Variants in RBPJ observed in about 807,000 individuals in gnomAD.
RBPJ encodes the protein recombination signal binding protein for immunoglobulin kappa J region.
RBPJ carries 9 observed loss-of-function variants against 67.8 expected under a neutral mutation model. The ratio of observed to expected loss-of-function variants is 0.13; its 90% CI spans 0.08 to 0.23. RBPJ has a LOEUF of 0.23. Ranked by LOEUF, RBPJ falls within the 10% of genes least tolerant of loss-of-function variation. The probability of loss-of-function intolerance (pLI) is 1.00; values close to 1 mark genes in which losing one functional copy is unlikely to be tolerated. For synonymous variants in RBPJ, 198 were observed against 203.3 expected, an observed-to-expected ratio of 0.97 and a Z score of 0.22; for missense variants, 305 against 595.6, an observed-to-expected ratio of 0.51 and a Z score of 5.08.
In RBPJ at chr4:26,244,202, T is replaced by C. The variant is rs552425351; in HGVS notation, c.-167+80588T>C. On this transcript the variant is annotated intron_variant, in intron 1 of 4. Coordinates refer to the RBPJ transcript ENST00000512351. ...ATATATGTATACATATATGTGTCTA[T>C]ATATGTATACACATATGTGTACACA... Among the ~76,000 whole-genome samples the C allele has an allele frequency of 5.7e-3, 822 of 145,098 alleles. 20 individuals are homozygous for C. The highest frequency in any genetic ancestry group is 0.013 in the South Asian group (61 of 4,574).
chr4:26,187,701 A>G (rs867581742), intron 1 of RBPJ, among the ~76,000 whole-genome samples: 1 of 152,114 alleles, frequency 6.6e-6, no homozygotes, highest in South Asian at 2.1e-4. Context: ...CATAGATGTG[A>G]ACACTGAGAA....
chr4:26,359,542 TGGCTGGGACGCCCCTGCTGCCGGCGCC>T (rs1159966857), intron 1 of RBPJ: 1 of 151,838 alleles, frequency 6.6e-6, no homozygotes, highest in Non-Finnish European at 1.5e-5. Flanking sequence ...TGCAGGCCCC[TGGCTGGGACGCCCCTGCTGCCGGCGCC>T]GGCAGCCTCG....
intron 1 of RBPJ, among the ~76,000 whole-genome samples, chr4:26,196,780 C>T (rs113349555): frequency 0.01 from 1,580 of 152,266 alleles, 26 homozygotes; most frequent in African/African-American, 0.036. Flanking sequence ...CGGAGCTCCC[C>T]CAGCCCTTCC....
At chr4:26,404,214 A>G (rs560516138) in intron 2 of RBPJ, among the ~76,000 whole-genome samples, 7 of 151,952 alleles carry the variant, frequency 4.6e-5, no homozygotes, top group Admixed American at 3.3e-4. Context: ...TCCTTTGCCT[A>G]CTTTTTAATG....
the RBPJ span, among the ~76,000 whole-genome samples, chr4:26,127,141 C>T: frequency 3.9e-5 from 6 of 152,210 alleles, no homozygotes; most frequent in Non-Finnish European, 7.3e-5. Context: ...TTCCTGAAGA[C>T]AGCTGGCAAC....
chr4:26,159,765 A>T (rs76085095), upstream of RBPJ, among the ~76,000 whole-genome samples: 1,890 of 152,248 alleles, frequency 0.012, 43 homozygotes, highest in African/African-American at 0.043. Flanking sequence ...CTTATCTTTC[A>T]TATATCAGTA....
At chr4:26,267,352 T>A (rs566231371) in intron 1 of RBPJ, among the ~76,000 whole-genome samples, 8 of 152,292 alleles carry the variant, frequency 5.3e-5, no homozygotes, top group African/African-American at 1.9e-4. Flanking sequence ...GAATTTGCCA[T>A]GGATGCTGCC....
At chr4:26,118,624 T>C in the RBPJ span, among the ~76,000 whole-genome samples, 17 of 152,314 alleles carry the variant, frequency 1.1e-4, no homozygotes, top group African/African-American at 4.1e-4. Flanking sequence ...TACAAGAGAA[T>C]GGATGGAGTA....
chr4:26,139,448 T>C, the RBPJ span, among the ~76,000 whole-genome samples: 1 of 152,170 alleles, frequency 6.6e-6, no homozygotes, highest in African/African-American at 2.4e-5. Flanking sequence ...ATTCAACACT[T>C]AGCATCCACA....
At chr4:26,316,692 A>T, upstream of RBPJ, among the ~76,000 whole-genome samples, 1 of 143,472 alleles carries the variant, frequency 7.0e-6, no homozygotes, top group Non-Finnish European at 1.5e-5. Context: ...ATATACACAT[A>T]TTGTGTATAT....
chr4:26,260,366 T>C (rs1056607916), intron 1 of RBPJ, among the ~76,000 whole-genome samples: 2 of 152,236 alleles, frequency 1.3e-5, no homozygotes, highest in African/African-American at 4.8e-5. Flanking sequence ...CTACTAACTA[T>C]TCTTTCATTG....
intron 1 of RBPJ, among the ~76,000 whole-genome samples, chr4:26,265,519 AAAG>A (rs1197128853): frequency 1.3e-5 from 2 of 152,016 alleles, no homozygotes; most frequent in Non-Finnish European, 2.9e-5. Context: ...AGTCTCAAAA[AAAG>A]AAAAAAAAAA....
intron 1 of RBPJ, among the ~76,000 whole-genome samples, chr4:26,182,931 T>C (rs934972213): frequency 2.0e-5 from 3 of 152,194 alleles, no homozygotes; most frequent in African/African-American, 7.2e-5. Context: ...GGCAATAACA[T>C]GCATAGAACT....
chr4:26,277,824 A>G (rs940277397), intron 1 of RBPJ, among the ~76,000 whole-genome samples: 1 of 152,202 alleles, frequency 6.6e-6, no homozygotes, highest in African/African-American at 2.4e-5. Context: ...AAGCATGATT[A>G]GTGTTTTTAA....
intron 1 of RBPJ, among the ~76,000 whole-genome samples, chr4:26,286,018 CT>C (rs1721451799): frequency 1.3e-5 from 2 of 152,248 alleles, no homozygotes; most frequent in African/African-American, 4.8e-5. Context: ...AGTACACTTG[CT>C]TGAGCCCAGG....
At position 26,243,120 on chromosome 4, in the gene RBPJ, G is replaced by A. The variant is rs188714368; in HGVS notation, c.-167+79506G>A. On this transcript the variant is annotated intron_variant, in intron 1 of 4. Coordinates refer to the RBPJ transcript ENST00000512351. Reference sequence around the variant, plus strand: ...CCGGCGCCTGTAATCCCATCTACTCGGGAGGCTGAGGCAGGAAAACAGCTT... The same window carrying A: ...CCGGCGCCTGTAATCCCATCTACTCAGGAGGCTGAGGCAGGAAAACAGCTT... 6.4e-4 allele frequency among the ~76,000 whole-genome samples: 97 copies of A among 152,150 alleles called. 3 individuals carry two copies. In the East Asian group the frequency reaches 0.018, roughly 28 times the overall value.
chr4:26,338,137 C>G, intron 1 of RBPJ, among the ~76,000 whole-genome samples: 1 of 104,232 alleles, frequency 9.6e-6, no homozygotes, highest in Non-Finnish European at 2.1e-5. Context: ...TGGAAACATT[C>G]TTATGTGTAT....
the RBPJ span, among the ~76,000 whole-genome samples, chr4:26,152,239 C>T: frequency 2.4e-4 from 37 of 152,328 alleles, no homozygotes; most frequent in African/African-American, 7.0e-4. Context: ...TGGCTAGTGA[C>T]GTGTAGACAG....
intron 1 of RBPJ, among the ~76,000 whole-genome samples, chr4:26,344,201 T>A (rs2109411974): frequency 6.6e-6 from 1 of 151,634 alleles, no homozygotes; most frequent in East Asian, 2.0e-4. Flanking sequence ...GGTTTTAATA[T>A]GTTATTGAGA....
Sources: gnomAD v4.1 joint callset for allele counts (sites outside exome capture counted in the v4.1 genomes callset) on GRCh38, gnomAD v4.1.1 for gene constraint, MANE v1.5 for transcripts, NCBI Gene and HGNC (gene_info 2026-07-23, HGNC 2026-07-21) for gene names.